Variants in USP49 observed in about 807,000 individuals in gnomAD.
The protein encoded by USP49 is ubiquitin carboxyl-terminal hydrolase 49.
A neutral mutation model predicts 58.6 loss-of-function variants in USP49; 24 were observed. The observed-to-expected ratio is 0.41, with a 90% CI of 0.30 to 0.58. The LOEUF is 0.58. USP49 is among the 20% of genes least tolerant of loss of function. The pLI is 0.30. For missense variants in USP49, 703 were observed against 866.1 expected (o/e 0.81, Z 2.36); for synonymous variants, 408 against 365.1 (o/e 1.12, Z -1.34).
chr6:41,894,166 T>G (rs1005126149), intron 1 of USP49: 1 of 152,098 alleles, frequency 6.6e-6, no homozygotes, highest in Non-Finnish European at 1.5e-5. Context: ...GGCCCATCTC[T>G]TCCTGCTCCT....
intron 3 of USP49, among the ~76,000 whole-genome samples, chr6:41,835,925 A>C (rs1289516743): frequency 1.3e-5 from 2 of 152,010 alleles, no homozygotes; most frequent in Non-Finnish European, 2.9e-5. Flanking sequence ...AAAAAATAAA[A>C]AAATTAGCTG....
intron 3 of USP49, among the ~76,000 whole-genome samples, chr6:41,838,272 T>C (rs1467993089): frequency 6.6e-6 from 1 of 152,184 alleles, no homozygotes; most frequent in Non-Finnish European, 1.5e-5. Flanking sequence ...AGGTCCTGCG[T>C]CTATCCACAT....
intron 2 of USP49, among the ~76,000 whole-genome samples, chr6:41,883,712 G>T (rs1774656293): frequency 6.6e-6 from 1 of 152,130 alleles, no homozygotes; most frequent in African/African-American, 2.4e-5. Flanking sequence ...AATACCAAGT[G>T]TTGGGAGGGG....
rs1016438522 is a variant in USP49, at chr6:41,826,568, A to G, written c.-28-19557T>C. Among the ~76,000 whole-genome samples the G allele has an allele frequency of 2.6e-5, 4 of 152,198 alleles. 1 individual carries two copies. The highest frequency in any genetic ancestry group is 2.6e-4 in the Admixed American group (4 of 15,282). ...TGATGTCATTGAGCAGGTTCAAGAAATAAGGAATTGTCACATGACAATGAT... is the reference window on the plus strand; with the variant it reads ...TGATGTCATTGAGCAGGTTCAAGAAGTAAGGAATTGTCACATGACAATGAT... On this transcript the variant is annotated intron_variant, in intron 3 of 7. Transcript: ENST00000682992.
At chr6:41,809,535 T>C (rs1258415544) in intron 3 of USP49, among the ~76,000 whole-genome samples, 1 of 141,398 alleles carries the variant, frequency 7.1e-6, no homozygotes, top group African/African-American at 2.6e-5. Flanking sequence ...AAAAAGAAAA[T>C]AATAAAATAG....
rs1014756861 is a variant in USP49, at chr6:41,812,610, A to G, written c.-28-5599T>C. The stretch of plus-strand genomic sequence containing the variant: ...TGGGAGGCTGAGGCAGGAGAATGGC[A>G]TGAACCCGGGAGGCGGAGCTTGCAG... On this transcript the variant is annotated intron_variant, in intron 3 of 7. Coordinates refer to ENST00000682992, the MANE Select transcript of USP49 (RefSeq NM_001286554.2). Among the ~76,000 whole-genome samples the G allele has an allele frequency of 4.0e-5, 6 of 151,786 alleles. No individual in the cohort carries two copies. The East Asian group carries it at 9.9e-4, about 25-fold the overall frequency.
At chr6:41,851,947 C>T (rs1244496296) in intron 3 of USP49, among the ~76,000 whole-genome samples, 3 of 85,630 alleles carry the variant, frequency 3.5e-5, no homozygotes, top group African/African-American at 5.6e-5. Flanking sequence ...GAGCGAGACT[C>T]GTCTCAAAAA....
intron 3 of USP49, among the ~76,000 whole-genome samples, chr6:41,853,725 A>AGGG: frequency 1.3e-5 from 2 of 151,126 alleles, no homozygotes; most frequent in East Asian, 2.0e-4. Context: ...GGCCAGGCAC[A>AGGG]GTGGCTCACG....
At chr6:41,817,234 G>A (rs144591568) in intron 3 of USP49, among the ~76,000 whole-genome samples, 3,285 of 130,912 alleles carry the variant, frequency 0.025, 36 homozygotes, top group South Asian at 0.032. Context: ...TGCAACCTCC[G>A]CCTCCCGGGT....
intron 3 of USP49, among the ~76,000 whole-genome samples, chr6:41,847,893 A>G (rs566519409): frequency 3.3e-5 from 5 of 152,322 alleles, no homozygotes; most frequent in South Asian, 4.1e-4. Flanking sequence ...AAGCTTCCCA[A>G]ATCTAAGGAG....
At chr6:41,879,057 C>T (rs533495636) in intron 2 of USP49, among the ~76,000 whole-genome samples, 1 of 152,284 alleles carries the variant, frequency 6.6e-6, no homozygotes, top group Admixed American at 6.5e-5. Context: ...AGAAGTTACT[C>T]AACTATGAAT....
chr6:41,863,825 T>G (rs1774264110), intron 3 of USP49, among the ~76,000 whole-genome samples: 2 of 152,180 alleles, frequency 1.3e-5, no homozygotes, highest in South Asian at 4.1e-4. Flanking sequence ...GGCATGATCA[T>G]AGCTCACTGC....
intron 3 of USP49, among the ~76,000 whole-genome samples, chr6:41,838,263 G>A (rs1361170579): frequency 6.6e-6 from 1 of 152,186 alleles, no homozygotes; most frequent in Non-Finnish European, 1.5e-5. Flanking sequence ...GCTAACCAGA[G>A]GTCCTGCGTC....
At chr6:41,858,025 G>GGT (rs144521392) in intron 3 of USP49, among the ~76,000 whole-genome samples, 21 of 151,856 alleles carry the variant, frequency 1.4e-4, no homozygotes, top group African/African-American at 2.9e-4. Context: ...ATGCAAATGG[G>GGT]GTGTGTGTGT....
At chr6:41,812,141 G>A (rs1016804468) in intron 3 of USP49, among the ~76,000 whole-genome samples, 5 of 151,554 alleles carry the variant, frequency 3.3e-5, no homozygotes, top group East Asian at 2.0e-4. Flanking sequence ...GTTCAGTGGC[G>A]CAATCTAGGC....
At chr6:41,798,464 C>T (rs1329834579) in intron 7 of USP49, 11 of 918,770 alleles carry the variant, frequency 1.2e-5, no homozygotes, top group African/African-American at 8.5e-5. Context: ...TTAGTAGAGA[C>T]GGGGTTTAAC....
intron 3 of USP49, among the ~76,000 whole-genome samples, chr6:41,812,034 C>A (rs771051328): frequency 2.2e-4 from 33 of 152,088 alleles, no homozygotes; most frequent in Non-Finnish European, 4.7e-4. Context: ...GGTTACTACT[C>A]CAGTCCTGAT....
chr6:41,883,623 A>AAAAT (rs113215092), intron 2 of USP49, among the ~76,000 whole-genome samples: 28,438 of 150,534 alleles, frequency 0.19, 2,810 homozygotes, highest in East Asian at 0.31. Context: ...ACTCCATCTC[A>AAAAT]AAATAAATAA....
intron 7 of USP49, chr6:41,797,723 G>C (rs1772911259): frequency 1.0e-6 from 1 of 985,760 alleles, no homozygotes; most frequent in Non-Finnish European, 1.2e-6. Context: ...AGGTTCTACT[G>C]TTTCTGCATA....
Sources: allele counts gnomAD v4.1 joint callset (sites outside exome capture counted in the v4.1 genomes callset), GRCh38; gene constraint gnomAD v4.1.1; transcripts MANE v1.5; gene names NCBI Gene and HGNC (gene_info 2026-07-23, HGNC 2026-07-21).